Variants in ABCD3 observed in about 807,000 individuals in gnomAD.
ABCD3 encodes ATP binding cassette subfamily D member 3, also known as ATP-binding cassette sub-family D member 3.
Under a neutral mutation model 105.5 loss-of-function variants are expected in ABCD3, and 41 were observed. The ratio of observed to expected loss-of-function variants is 0.39; its 90% CI spans 0.30 to 0.50. ABCD3 has a LOEUF of 0.50. Among genes scored for constraint, ABCD3 ranks in the 20% least tolerant of loss-of-function variants. ABCD3 has a pLI of 0.84. For missense variants in ABCD3, 622 were observed against 806.3 expected (o/e 0.77, Z 2.77); for synonymous variants, 258 against 269.0 (o/e 0.96, Z 0.40).
intron 16 of ABCD3, among the ~76,000 whole-genome samples, chr1:94,496,176 C>T (rs966837670): frequency 6.6e-6 from 1 of 152,134 alleles, no homozygotes; most frequent in Non-Finnish European, 1.5e-5. Context: ...GCAGCCACCA[C>T]CACTATCCAT....
At chr1:94,466,616 T>C (rs1222348692) in intron 3 of ABCD3, among the ~76,000 whole-genome samples, 9 of 152,200 alleles carry the variant, frequency 5.9e-5, no homozygotes. Context: ...AATATGTTTT[T>C]AAAAATTGCT....
At chr1:94,441,594 C>T (rs978980306) in intron 1 of ABCD3, among the ~76,000 whole-genome samples, 60 of 152,218 alleles carry the variant, frequency 3.9e-4, no homozygotes, top group African/African-American at 1.3e-3. Context: ...CCTAAATGCC[C>T]ATACATGCAT....
intron 1 of ABCD3, 85 bp from the exon 2 acceptor site, chr1:94,458,522 T>G: frequency 8.7e-7 from 1 of 1,153,488 alleles, no homozygotes. Flanking sequence ...TTAAATAATT[T>G]GGTATATTTG....
chr1:94,396,601 G>T, the ABCD3 span, among the ~76,000 whole-genome samples: 1 of 151,016 alleles, frequency 6.6e-6, no homozygotes, highest in African/African-American at 2.5e-5. Flanking sequence ...GTGTGTGTGT[G>T]TGTGTGTGTG....
intron 1 of ABCD3, chr1:94,419,330 A>C: frequency 2.0e-6 from 2 of 985,292 alleles, no homozygotes; most frequent in Non-Finnish European, 2.4e-6. Flanking sequence ...TTAGGTGAGG[A>C]TCAAGCTCCT....
chr1:94,448,392 C>T (rs1005899736), intron 1 of ABCD3, among the ~76,000 whole-genome samples: 11 of 152,196 alleles, frequency 7.2e-5, no homozygotes, highest in African/African-American at 2.4e-4. Flanking sequence ...TTGAAATGAA[C>T]TAATTGGATC....
intron 22 of ABCD3, among the ~76,000 whole-genome samples, chr1:94,516,134 G>T (rs1208344262): frequency 6.6e-6 from 1 of 151,946 alleles, no homozygotes; most frequent in Non-Finnish European, 1.5e-5. Flanking sequence ...GTGATAAAAT[G>T]AAGAGCATAG....
chr1:94,436,309 C>T (rs1659900051), intron 1 of ABCD3, among the ~76,000 whole-genome samples: 1 of 152,212 alleles, frequency 6.6e-6, no homozygotes, highest in South Asian at 2.1e-4. Flanking sequence ...TCCTGATTCT[C>T]AAAGACACAG....
intron 16 of ABCD3, among the ~76,000 whole-genome samples, chr1:94,498,219 C>G (rs1437507638): frequency 6.6e-6 from 1 of 152,048 alleles, no homozygotes; most frequent in Admixed American, 6.6e-5. Context: ...GTGTGCACCA[C>G]CACACCTGCT....
the ABCD3 span, among the ~76,000 whole-genome samples, chr1:94,400,809 T>G: frequency 6.6e-6 from 1 of 152,254 alleles, no homozygotes; most frequent in Non-Finnish European, 1.5e-5. Context: ...TGCTATGGTT[T>G]GAATGTCCCT....
the ABCD3 span, among the ~76,000 whole-genome samples, chr1:94,407,309 C>A: frequency 1.3e-5 from 2 of 152,038 alleles, no homozygotes; most frequent in African/African-American, 2.4e-5. Context: ...CACCACCATG[C>A]CCGGCTAATT....
intron 16 of ABCD3, among the ~76,000 whole-genome samples, chr1:94,496,704 T>G (rs1037026557): frequency 2.2e-5 from 3 of 134,266 alleles, no homozygotes; most frequent in African/African-American, 2.9e-5. Flanking sequence ...GTTTTTTTTT[T>G]TTTTTTTTTT....
chr1:94,402,558 A>T, the ABCD3 span, among the ~76,000 whole-genome samples: 1 of 152,160 alleles, frequency 6.6e-6, no homozygotes, highest in Non-Finnish European at 1.5e-5. Flanking sequence ...AATTTCAGCA[A>T]ATGTAACATT....
chr1:94,463,622 T>A (rs776174586), intron 2 of ABCD3, among the ~76,000 whole-genome samples: 1 of 152,162 alleles, frequency 6.6e-6, no homozygotes, highest in African/African-American at 2.4e-5. Context: ...TGGAGTGTCT[T>A]GCCTTTTCCA....
At chr1:94,396,000 G>C in the ABCD3 span, among the ~76,000 whole-genome samples, 5 of 152,098 alleles carry the variant, frequency 3.3e-5, no homozygotes, top group Admixed American at 3.3e-4. Context: ...CTGGAAACCA[G>C]TCCTAGCAGC....
intron 21 of ABCD3, among the ~76,000 whole-genome samples, chr1:94,508,958 C>T (rs1254861798): frequency 2.0e-5 from 3 of 152,124 alleles, no homozygotes; most frequent in Non-Finnish European, 4.4e-5. Flanking sequence ...TCCTCTTTTC[C>T]TAATTGAATA....
intron 3 of ABCD3, among the ~76,000 whole-genome samples, chr1:94,466,900 C>G (rs995714276): frequency 6.6e-6 from 1 of 152,096 alleles, no homozygotes; most frequent in African/African-American, 2.4e-5. Context: ...GCCTTCTTCC[C>G]TTACTTTAAC....
chr1:94,411,936 C>A, the ABCD3 span, among the ~76,000 whole-genome samples: 1 of 152,092 alleles, frequency 6.6e-6, no homozygotes, highest in Non-Finnish European at 1.5e-5. Flanking sequence ...ATGAAATGTC[C>A]AGAATAGGTA....
At chr1:94,493,408 A>T (rs1213818164) in intron 16 of ABCD3, among the ~76,000 whole-genome samples, 4 of 151,822 alleles carry the variant, frequency 2.6e-5, no homozygotes, top group Non-Finnish European at 5.9e-5. Context: ...ATCTCACACC[A>T]GTTAGAATGG....
Sources: gnomAD v4.1 joint callset for allele counts (sites outside exome capture counted in the v4.1 genomes callset) on GRCh38, gnomAD v4.1.1 for gene constraint, MANE v1.5 for transcripts, NCBI Gene and HGNC (gene_info 2026-07-23, HGNC 2026-07-21) for gene names.